Variants in AHCTF1 observed in about 807,000 individuals in gnomAD.
The protein encoded by AHCTF1 is protein ELYS.
A neutral mutation model predicts 248.4 loss-of-function variants in AHCTF1; 24 were observed. The observed-to-expected ratio is 0.10, with a 90% confidence interval of 0.07 to 0.14. The LOEUF is 0.14. Ranked by LOEUF, AHCTF1 falls within the 10% of genes least tolerant of loss-of-function variation. The pLI, the probability that AHCTF1 is intolerant of heterozygous loss-of-function variation, is 1.00. For synonymous variants in AHCTF1, 786 were observed against 929.8 expected, an observed-to-expected ratio of 0.85 and a Z score of 2.81; for missense variants, 2,206 against 2,636.2, an observed-to-expected ratio of 0.84 and a Z score of 3.57.
Position 246,861,146 on chromosome 1 carries a change from T to C in AHCTF1, c.3885A>G (p.Ser1295=), listed in dbSNP as rs1418294088. ...EKEHQEMDEG[S]QSLEKLDVSK... ...TCACATCCAGTTTCTCTAAACTTTG[T>C]GACCCCTCATCCATTTCTTGATGCT... is the stretch of plus-strand genomic sequence containing the variant. The change falls in exon 29 of 36, where the codon TCA becomes TCG. Residue 1295 remains serine, a synonymous_variant. Coordinates refer to ENST00000648844, the MANE Select transcript of AHCTF1 (RefSeq NM_001323342.2). 15 of 1,613,762 alleles carry C rather than the reference T, an allele frequency of 9.3e-6. No individual in the cohort carries two copies. The highest frequency in any genetic ancestry group is 1.3e-5 in the African/African-American group (1 of 74,916).
chr1:246,885,046 TA>T (rs1663715679), intron 21 of AHCTF1, among the ~76,000 whole-genome samples: 1 of 152,176 alleles, frequency 6.6e-6, no homozygotes. Context: ...CAAATATAAC[TA>T]AAAATCTCAA....
chr1:246,851,758 T>C, intron 32 of AHCTF1: 1 of 229,548 alleles, frequency 4.4e-6, no homozygotes, highest in Non-Finnish European at 8.5e-6. Flanking sequence ...TAAGGACTTA[T>C]TCTATTCTCA....
At position 246,867,258 on chromosome 1, in the gene AHCTF1, T is replaced by C; in HGVS notation, c.3333A>G (p.Ser1111=). 1 of 1,593,794 alleles carries C rather than the reference T, an allele frequency of 6.3e-7. No homozygotes were observed. The highest frequency in any genetic ancestry group is 8.6e-7 in the Non-Finnish European group (1 of 1,167,392). ...TAAACTCTTACCTAGAAATTTTTTG[T>C]GATGCTTTTGAAATTGGTGTTCCAA... ...AFFGTPISKA[S]QKISRLLDLV... The change falls in exon 26 of 36, where the codon TCA becomes TCG. Residue 1111 remains serine (S), a synonymous_variant. Transcript: ENST00000648844.
chr1:246,854,038 G>A (rs947882165), intron 31 of AHCTF1, among the ~76,000 whole-genome samples: 9 of 152,140 alleles, frequency 5.9e-5, no homozygotes, highest in Non-Finnish European at 1.0e-4. Flanking sequence ...AGTGGCTCAC[G>A]CCTGTAATCC....
At chr1:246,928,925 A>G (rs1667134916) in intron 1 of AHCTF1, among the ~76,000 whole-genome samples, 1 of 152,238 alleles carries the variant, frequency 6.6e-6, no homozygotes, top group South Asian at 2.1e-4. Context: ...AACTACTTTT[A>G]AAACACCGTG....
chr1:246,899,762 A>C (rs1444499733), intron 10 of AHCTF1, among the ~76,000 whole-genome samples: 1 of 152,210 alleles, frequency 6.6e-6, no homozygotes, highest in African/African-American at 2.4e-5. Context: ...AGCAAAAAAA[A>C]TAAAAGCTAC....
rs753094812 is a variant in AHCTF1 at position 246,913,277 on chromosome 1, A to G, written c.511T>C (p.Cys171Arg). The G allele has an allele frequency of 2.9e-5, 46 of 1,612,548 alleles. 2 individuals are homozygous for G. In the South Asian group the frequency reaches 4.9e-4, roughly 17 times the overall value. ...DVGQILLVDL[C>R]LDDLSCNQNE... ...TGATTGCATGACAAGTCATCCAAAC[A>G]TAGGTCAACAAGAAGGATCTGTCCA... Residue 171 changes from cysteine (C) to arginine (R), a missense_variant, in exon 4 of 36, where the codon TGT becomes CGT. By Grantham distance (180) the Cys-to-Arg change is radical. Around this residue, in one of 6 missense-constraint regions of AHCTF1, gnomAD observed 650 missense variants for 870.8 expected, o/e 0.75. Transcript: ENST00000648844.
chr1:246,842,356 C>G (rs967303322), intron 35 of AHCTF1, among the ~76,000 whole-genome samples: 1 of 151,956 alleles, frequency 6.6e-6, no homozygotes, highest in Non-Finnish European at 1.5e-5. Flanking sequence ...CCAAGGCAGG[C>G]GGATCACTTG....
chr1:246,887,998 T>C (rs1398342852), intron 19 of AHCTF1, among the ~76,000 whole-genome samples, 179 bp downstream of exon 19: 1 of 152,216 alleles, frequency 6.6e-6, no homozygotes, highest in East Asian at 1.9e-4. Context: ...ATTTTTCATA[T>C]AGTTTTAGGT....
chr1:246,849,748 G>A lies in AHCTF1; in HGVS notation c.6258C>T (p.Ala2086=). 6.2e-7 allele frequency: 1 copy of A among 1,613,948 alleles called. No homozygotes were observed. The highest frequency in any genetic ancestry group is 8.5e-7 in the Non-Finnish European group (1 of 1,179,868). The change falls in exon 33 of 36, where the codon GCC becomes GCT. Residue 2086 remains alanine, a synonymous_variant. Transcript: ENST00000648844. The part of the protein sequence containing the change: ...ETNEQEERLL[A]TASFTKSSRS... Reference sequence around the variant, plus strand: ...GGGATGATTTAGTGAAGGAAGCTGTGGCGAGCAATCTTTCTTCCTGCTCAT... The same window carrying A: ...GGGATGATTTAGTGAAGGAAGCTGTAGCGAGCAATCTTTCTTCCTGCTCAT...
intron 33 of AHCTF1, among the ~76,000 whole-genome samples, chr1:246,847,116 G>A (rs58495791): frequency 1.3e-5 from 2 of 151,962 alleles, no homozygotes; most frequent in African/African-American, 4.8e-5. Flanking sequence ...GCGAAACCCT[G>A]TCTCTACTAA....
intron 20 of AHCTF1, among the ~76,000 whole-genome samples, chr1:246,885,944 T>C (rs181928886): frequency 2.7e-4 from 41 of 152,316 alleles, no homozygotes; most frequent in Non-Finnish European, 2.4e-4. Flanking sequence ...CTCCGCACTT[T>C]GGGAGGCCAA....
At chr1:246,922,553 C>T (rs1022954893) in intron 1 of AHCTF1, among the ~76,000 whole-genome samples, 2 of 151,470 alleles carry the variant, frequency 1.3e-5, no homozygotes, top group Non-Finnish European at 2.9e-5. Context: ...TGCCACCATG[C>T]CTGGCTAATT....
chr1:246,867,891 A>ACCCCC (rs936329065), intron 24 of AHCTF1, 80 bp from the exon 25 acceptor site: 2 of 332,404 alleles, frequency 6.0e-6, no homozygotes, highest in Non-Finnish European at 8.9e-6. Flanking sequence ...GAATGATTAC[A>ACCCCC]CCCCCCCCCC....
intron 33 of AHCTF1, among the ~76,000 whole-genome samples, chr1:246,846,245 C>A (rs1660248750): frequency 6.6e-6 from 1 of 151,610 alleles, no homozygotes; most frequent in Admixed American, 6.6e-5. Context: ...CTCTAGCCTT[C>A]CAATCATATA....
At chr1:246,901,966 G>C (rs1013268294) in intron 8 of AHCTF1, among the ~76,000 whole-genome samples, 4 of 152,234 alleles carry the variant, frequency 2.6e-5, no homozygotes, top group Non-Finnish European at 5.9e-5. Context: ...TCTGGGATGG[G>C]TAAGTTCGCT....
intron 4 of AHCTF1, among the ~76,000 whole-genome samples, chr1:246,908,021 G>A (rs1306281819): frequency 6.6e-6 from 1 of 152,070 alleles, no homozygotes; most frequent in Non-Finnish European, 1.5e-5. Flanking sequence ...ATCTAAGATA[G>A]AATTTTTTTA....
At chr1:246,915,238 G>A (rs1666063213) in intron 3 of AHCTF1, among the ~76,000 whole-genome samples, 1 of 152,182 alleles carries the variant, frequency 6.6e-6, no homozygotes, top group Non-Finnish European at 1.5e-5. Flanking sequence ...GCTAAGGCAG[G>A]AGAATCGGTT....
chr1:246,896,784 A>G (rs1196681973), intron 12 of AHCTF1, among the ~76,000 whole-genome samples: 1 of 152,228 alleles, frequency 6.6e-6, no homozygotes, highest in African/African-American at 2.4e-5. Flanking sequence ...ACAGGAACCT[A>G]TTAATTTCAT....
Sources: gnomAD v4.1 joint callset for allele counts (sites outside exome capture counted in the v4.1 genomes callset) on GRCh38, gnomAD v4.1.1 for gene constraint, gnomAD v4.1.1 regional missense constraint, MANE v1.5 for transcripts, NCBI Gene and HGNC (gene_info 2026-07-23, HGNC 2026-07-21) for gene names.